Variants in NRXN1 observed in about 807,000 individuals in gnomAD.
The protein encoded by NRXN1 is neurexin 1.
NRXN1 carries 39 observed loss-of-function variants against 150.9 expected under a neutral mutation model. The observed-to-expected ratio is 0.26, with a 90% confidence interval of 0.20 to 0.34. The LOEUF (loss-of-function observed/expected upper bound fraction) is 0.34, where lower values mean the gene tolerates loss of function less well. NRXN1 is among the 10% of genes least tolerant of loss of function. The pLI is 1.00. For synonymous variants in NRXN1, 924 were observed against 757.0 expected, an observed-to-expected ratio of 1.22 and a Z score of -3.62; for missense variants, 1,815 against 1,949.9, an observed-to-expected ratio of 0.93 and a Z score of 1.30.
chr2:50,127,455 C>T (rs1704772169), intron 18 of NRXN1, among the ~76,000 whole-genome samples: 1 of 152,018 alleles, frequency 6.6e-6, no homozygotes. Context: ...AAAATATTTA[C>T]ATTTCAAATA....
chr2:50,652,943 C>T (rs1034305790), intron 5 of NRXN1, among the ~76,000 whole-genome samples: 1 of 151,980 alleles, frequency 6.6e-6, no homozygotes, highest in African/African-American at 2.4e-5. Context: ...GATGTTGAGC[C>T]TCTATCATTT....
At chr2:50,304,458 G>A (rs751880508) in intron 17 of NRXN1, among the ~76,000 whole-genome samples, 27 of 152,154 alleles carry the variant, frequency 1.8e-4, no homozygotes, top group Non-Finnish European at 3.5e-4. Flanking sequence ...ATAGGTATAT[G>A]TAGTACTTAT....
At chr2:50,146,708 G>A (rs372888072) in intron 18 of NRXN1, among the ~76,000 whole-genome samples, 47 of 151,638 alleles carry the variant, frequency 3.1e-4, no homozygotes, top group African/African-American at 1.1e-3. Flanking sequence ...TAGTTTTTAT[G>A]TTAGGCTAAA....
chr2:51,001,975 C>T (rs528750584), intron 2 of NRXN1, among the ~76,000 whole-genome samples: 1 of 151,954 alleles, frequency 6.6e-6, no homozygotes, highest in Non-Finnish European at 1.5e-5. Context: ...AAGGGTCACA[C>T]AGAAGAATCT....
chr2:50,976,117 T>C (rs567180762), intron 2 of NRXN1, among the ~76,000 whole-genome samples: 4 of 152,002 alleles, frequency 2.6e-5, no homozygotes, highest in Non-Finnish European at 4.4e-5. Context: ...TGAGGACTTG[T>C]ACTGTTTTCA....
intron 5 of NRXN1, among the ~76,000 whole-genome samples, chr2:50,788,244 G>A (rs1705416749): frequency 1.3e-5 from 2 of 151,792 alleles, no homozygotes; most frequent in African/African-American, 4.8e-5. Flanking sequence ...CCGCCACCAT[G>A]CCTGGTTAAT....
intron 5 of NRXN1, among the ~76,000 whole-genome samples, chr2:50,897,286 A>G (rs1682129514): frequency 6.6e-6 from 1 of 152,234 alleles, no homozygotes; most frequent in Non-Finnish European, 1.5e-5. Context: ...TGTGACTGGC[A>G]TAGAGAAACC....
chr2:50,970,236 G>C (rs974058480), intron 2 of NRXN1, among the ~76,000 whole-genome samples: 1 of 152,112 alleles, frequency 6.6e-6, no homozygotes, highest in East Asian at 1.9e-4. Flanking sequence ...TTGGGGAAGA[G>C]GGATTATAGG....
chr2:50,464,051 C>T (rs373264443), intron 17 of NRXN1: 1 of 150,016 alleles, frequency 6.7e-6, no homozygotes, highest in Non-Finnish European at 1.5e-5. Flanking sequence ...ATGAAAAGCA[C>T]ATGTAAGGCT....
chr2:50,605,216 T>C (rs1236669756), intron 8 of NRXN1, among the ~76,000 whole-genome samples: 2 of 152,246 alleles, frequency 1.3e-5, no homozygotes, highest in African/African-American at 4.8e-5. Context: ...GCCAATTATG[T>C]TGTGGTCATT....
rs1245653834 is a variant in NRXN1 at position 50,219,977 on chromosome 2, TATATATATTATATATA to T, written c.3546+16796_3546+16811del. Among the ~76,000 whole-genome samples the T allele has an allele frequency of 4.0e-4, 17 of 41,990 alleles. No homozygotes were observed. In the Admixed American group the frequency reaches 4.3e-3, roughly 11 times the overall value. The allele number at this position is 41,990 out of a possible 152,430, so 27.5% of individuals were successfully genotyped here. On this transcript the variant is annotated intron_variant, in intron 18 of 22. Transcript: ENST00000401669. ...TAATATATATATTATATATATATAA[TATATATATTATATATA>T]ATATATATTATATAATATATTATAT...
At chr2:50,808,107 A>T (rs1334649617) in intron 5 of NRXN1, among the ~76,000 whole-genome samples, 1 of 152,052 alleles carries the variant, frequency 6.6e-6, no homozygotes, top group Non-Finnish European at 1.5e-5. Context: ...ACTATGAGTG[A>T]GGCTGGTAAG....
chr2:50,934,637 T>A (rs1007211273), intron 2 of NRXN1, among the ~76,000 whole-genome samples: 1 of 152,198 alleles, frequency 6.6e-6, no homozygotes, highest in African/African-American at 2.4e-5. Context: ...AACTACAGCT[T>A]CTCTGACAAT....
chr2:50,070,092 T>C (rs913319566), intron 19 of NRXN1, among the ~76,000 whole-genome samples: 1 of 151,992 alleles, frequency 6.6e-6, no homozygotes, highest in Non-Finnish European at 1.5e-5. Context: ...CCTTGCGATC[T>C]GCCCGCCTTG....
At chr2:50,258,448 G>A (rs1298586358) in intron 17 of NRXN1, among the ~76,000 whole-genome samples, 1 of 151,962 alleles carries the variant, frequency 6.6e-6, no homozygotes, top group East Asian at 1.9e-4. Flanking sequence ...TCATGAGATT[G>A]CAGCAATTCA....
At chr2:50,006,984 T>C (rs1182823799) in intron 21 of NRXN1, among the ~76,000 whole-genome samples, 4 of 152,120 alleles carry the variant, frequency 2.6e-5, no homozygotes, top group Non-Finnish European at 4.4e-5. Flanking sequence ...AGGAAATGCA[T>C]GCACTAGGCA....
At chr2:50,554,704 T>C (rs1041802597) in intron 8 of NRXN1, among the ~76,000 whole-genome samples, 2 of 152,164 alleles carry the variant, frequency 1.3e-5, no homozygotes, top group Non-Finnish European at 2.9e-5. Context: ...TAGGAAAACA[T>C]TTAGAAATAA....
chr2:50,315,096 T>C (rs2075487913), intron 17 of NRXN1, among the ~76,000 whole-genome samples: 2 of 152,106 alleles, frequency 1.3e-5, no homozygotes, highest in Admixed American at 1.3e-4. Flanking sequence ...GGGTTCTTTT[T>C]TTAAAAGCCA....
rs188451949 is a variant in NRXN1 at position 50,338,208 on chromosome 2, A to C, written c.3365-101238T>G. ...TACTTTGACATCCACGTGACAAATG[A>C]CTGATACAGCACATTGTGATTTTGA... On this transcript the variant is annotated intron_variant, in intron 17 of 22. Coordinates refer to ENST00000401669, the MANE Select transcript of NRXN1 (RefSeq NM_001330078.2). Among the ~76,000 whole-genome samples the C allele has an allele frequency of 5.9e-5, 9 of 152,364 alleles. No homozygotes were observed. The East Asian group carries it at 1.5e-3, about 26-fold the overall frequency.
Sources: gnomAD v4.1 joint callset for allele counts (sites outside exome capture counted in the v4.1 genomes callset) on GRCh38, gnomAD v4.1.1 for gene constraint, MANE v1.5 for transcripts, NCBI Gene and HGNC (gene_info 2026-07-23, HGNC 2026-07-21) for gene names.